GALNT14: variants seen among roughly 807,000 people sequenced by gnomAD.
The protein encoded by GALNT14 is UDP-GalNAc:polypeptide N-acetylgalactosaminyltransferase 14.
In GALNT14, 60 loss-of-function variants were observed where a neutral mutation model predicts 77.5. That is an observed-to-expected ratio of 0.77 (90% CI 0.63 to 0.96). GALNT14 has a LOEUF of 0.96. Among genes scored for constraint, GALNT14 ranks in the 40% least tolerant of loss-of-function variants. GALNT14 has a pLI of 0.00. For synonymous variants in GALNT14, 280 were observed against 281.7 expected, an observed-to-expected ratio of 0.99 and a Z score of 0.06; for missense variants, 710 against 731.0, an observed-to-expected ratio of 0.97 and a Z score of 0.33.
intron 2 of GALNT14, among the ~76,000 whole-genome samples, chr2:30,975,906 C>T (rs1212684870): frequency 6.6e-6 from 1 of 152,128 alleles, no homozygotes; most frequent in Non-Finnish European, 1.5e-5. Flanking sequence ...CCAGAAAAGG[C>T]CACAATCTCA....
intron 1 of GALNT14, among the ~76,000 whole-genome samples, chr2:31,068,002 T>C (rs1284531784): frequency 5.3e-5 from 8 of 152,080 alleles, no homozygotes; most frequent in Admixed American, 5.2e-4. Flanking sequence ...TCTCTGTACC[T>C]GAAACAAAGC....
chr2:30,905,766 C>T (rs1403349647), downstream of GALNT14, among the ~76,000 whole-genome samples: 1 of 148,544 alleles, frequency 6.7e-6, no homozygotes, highest in African/African-American at 2.5e-5. Context: ...TTGTCAGATT[C>T]ACCAAAGTTG....
intron 13 of GALNT14, among the ~76,000 whole-genome samples, chr2:30,917,209 C>T (rs1031494608): frequency 6.6e-6 from 1 of 152,062 alleles, no homozygotes; most frequent in East Asian, 1.9e-4. Flanking sequence ...CCTGGAGCAG[C>T]GGCTCTCGAC....
intron 1 of GALNT14, among the ~76,000 whole-genome samples, chr2:31,067,635 A>C (rs1364913591): frequency 6.6e-6 from 1 of 152,188 alleles, no homozygotes; most frequent in African/African-American, 2.4e-5. Context: ...CAAAGACAGG[A>C]GAGCCTACCC....
intron 1 of GALNT14, among the ~76,000 whole-genome samples, chr2:31,078,045 A>G (rs1052538045): frequency 4.6e-5 from 7 of 152,232 alleles, no homozygotes; most frequent in African/African-American, 1.4e-4. Flanking sequence ...AGCTGAGGAC[A>G]TTGCTATGTG....
intron 1 of GALNT14, among the ~76,000 whole-genome samples, chr2:31,053,929 C>A (rs570392954): frequency 9.6e-4 from 147 of 152,336 alleles, no homozygotes; most frequent in Middle Eastern, 3.4e-3. Context: ...CACCCTTGAG[C>A]CCCTGCCATC....
chr2:30,947,539 C>G (rs1022993099), intron 6 of GALNT14, among the ~76,000 whole-genome samples: 3 of 152,196 alleles, frequency 2.0e-5, no homozygotes, highest in Admixed American at 6.5e-5. Flanking sequence ...AAACTCCCCA[C>G]ATTGCCCAGA....
At chr2:31,058,857 C>G (rs970445914) in intron 1 of GALNT14, among the ~76,000 whole-genome samples, 1 of 152,074 alleles carries the variant, frequency 6.6e-6, no homozygotes, top group Non-Finnish European at 1.5e-5. Flanking sequence ...ATACGAGAAC[C>G]AGGCTGAGTT....
intron 1 of GALNT14, chr2:31,129,660 T>G: frequency 8.1e-6 from 8 of 985,312 alleles, no homozygotes; most frequent in Non-Finnish European, 9.6e-6. Flanking sequence ...TATGCCTGCA[T>G]GTTGCAGCTG....
Position 30,924,902 on chromosome 2 carries a change from A to G in GALNT14, c.1152-79T>C, listed in dbSNP as rs1036091197. On this transcript the variant is annotated intron_variant, in intron 11 of 14. Transcript: ENST00000349752. ...GCAGGCGCCAGCAACGCCAGTCCAG[A>G]CTGAGAACACAAAGCGCGACCCATG... 7 of 1,173,122 alleles carry G rather than the reference A, an allele frequency of 6.0e-6. No homozygotes were observed. In the African/African-American group the frequency reaches 9.0e-5, roughly 15 times the overall value. 72.7% of individuals were successfully genotyped at this position (1,173,122 alleles called of 1,614,324 possible).
At chr2:31,084,320 G>A (rs1676305662) in intron 1 of GALNT14, among the ~76,000 whole-genome samples, 1 of 152,198 alleles carries the variant, frequency 6.6e-6, no homozygotes, top group African/African-American at 2.4e-5. Flanking sequence ...GCTCAAAGAG[G>A]TAATGCTGGA....
downstream of GALNT14, among the ~76,000 whole-genome samples, chr2:30,906,167 A>C (rs1432225787): frequency 6.6e-6 from 1 of 150,782 alleles, no homozygotes; most frequent in Non-Finnish European, 1.5e-5. Context: ...CGAGCAAAAT[A>C]ACCAGCTAAC....
At chr2:31,069,673 C>T (rs1675219765) in intron 1 of GALNT14, among the ~76,000 whole-genome samples, 1 of 152,192 alleles carries the variant, frequency 6.6e-6, no homozygotes, top group Admixed American at 6.5e-5. Context: ...CCCGGAGCAG[C>T]AGGGCCTGAG....
At chr2:30,923,564 A>T (rs950955360) in intron 13 of GALNT14, among the ~76,000 whole-genome samples, 1 of 152,216 alleles carries the variant, frequency 6.6e-6, no homozygotes, top group Non-Finnish European at 1.5e-5. Flanking sequence ...TAGGAGAGGC[A>T]GGAGATGCAG....
chr2:30,890,901 G>A, the GALNT14 span, among the ~76,000 whole-genome samples: 2 of 152,206 alleles, frequency 1.3e-5, no homozygotes, highest in Non-Finnish European at 2.9e-5. Flanking sequence ...TGGTGGGTGA[G>A]GGGTCAGGAC....
At chr2:31,069,681 G>T (rs779757880) in intron 1 of GALNT14, among the ~76,000 whole-genome samples, 3 of 152,172 alleles carry the variant, frequency 2.0e-5, no homozygotes, top group Non-Finnish European at 4.4e-5. Context: ...AGCAGGGCCT[G>T]AGCTTCCTGG....
At chr2:30,977,146 G>C (rs1363937105) in intron 2 of GALNT14, among the ~76,000 whole-genome samples, 1 of 147,620 alleles carries the variant, frequency 6.8e-6, no homozygotes, top group Non-Finnish European at 1.5e-5. Context: ...CTGGAGTGTA[G>C]TGGCACCATC....
At chr2:30,987,706 TCCCTCCCCCTCCTCCCCCTCC>T (rs1448367671) in intron 2 of GALNT14, among the ~76,000 whole-genome samples, 5 of 124,732 alleles carry the variant, frequency 4.0e-5, no homozygotes, top group Admixed American at 1.6e-4. Flanking sequence ...GCCTTCCTCC[TCCCTCCCCCTCCTCCCCCTCC>T]TCCCCCTCCT....
intron 1 of GALNT14, among the ~76,000 whole-genome samples, chr2:31,027,108 T>C (rs7608731): frequency 0.43 from 65,264 of 152,038 alleles, 14,240 homozygotes; most frequent in East Asian, 0.56. Flanking sequence ...GATGAGAAAC[T>C]AGGAAACACA....
Sources: allele counts gnomAD v4.1 joint callset (sites outside exome capture counted in the v4.1 genomes callset), GRCh38; gene constraint gnomAD v4.1.1; transcripts MANE v1.5; gene names NCBI Gene and HGNC (gene_info 2026-07-23, HGNC 2026-07-21).